OR8G1: variants seen among roughly 807,000 people sequenced by gnomAD.
OR8G1 encodes the protein olfactory receptor 8G1.
For synonymous variants in OR8G1, 129 were observed against 133.3 expected, an observed-to-expected ratio of 0.97 and a Z score of 0.22; for missense variants, 372 against 356.2, an observed-to-expected ratio of 1.04 and a Z score of -0.36.
intron 2 of OR8G1, 57 bp downstream of exon 2, chr11:124,247,937 A>G (rs982237541): frequency 1.3e-5 from 2 of 151,920 alleles, no homozygotes; most frequent in Non-Finnish European, 2.9e-5. Flanking sequence ...AATTTATACT[A>G]AATTGCCAAC....
At chr11:124,245,121 G>A (rs1311759427) in intron 1 of OR8G1, among the ~76,000 whole-genome samples, 1 of 150,826 alleles carries the variant, frequency 6.6e-6, no homozygotes, top group Non-Finnish European at 1.5e-5. Context: ...CCATTAACTC[G>A]TCATTTAGCA....
At position 124,250,416 on chromosome 11, in the gene OR8G1, G is replaced by T; in HGVS notation, c.741G>T (p.Ala247=). 1 of 1,613,716 alleles carries T rather than the reference G, an allele frequency of 6.2e-7. No individual in the cohort carries two copies. Among genetic ancestry groups the T allele is most frequent in the Non-Finnish European group, 8.5e-7 (1 of 1,179,774 alleles). ...AFSTCSSHML[A]VVIFFGSAAF... ...GCACTTGTAGCTCCCACATGTTGGCGGTTGTAATCTTTTTTGGATCTGCAG... is the reference window on the plus strand; with the variant it reads ...GCACTTGTAGCTCCCACATGTTGGCTGTTGTAATCTTTTTTGGATCTGCAG... The change falls in exon 3 of 3, where the codon GCG becomes GCT. Residue 247 remains alanine, a synonymous_variant. Transcript: ENST00000641972.
intron 2 of OR8G1, among the ~76,000 whole-genome samples, chr11:124,248,700 T>A (rs899056150): frequency 2.0e-5 from 3 of 152,060 alleles, no homozygotes; most frequent in African/African-American, 7.2e-5. Context: ...TGTATGCCTG[T>A]TTTTTGTACT....
intron 1 of OR8G1, among the ~76,000 whole-genome samples, chr11:124,242,998 CT>C (rs1296927623): frequency 2.0e-5 from 3 of 151,902 alleles, no homozygotes; most frequent in African/African-American, 7.3e-5. Flanking sequence ...CCATGTATAA[CT>C]CACAAAAAGA....
At chr11:124,242,081 A>ATT (rs371967403) in intron 1 of OR8G1, among the ~76,000 whole-genome samples, 69,748 of 151,114 alleles carry the variant, frequency 0.46, 16,406 homozygotes, top group South Asian at 0.56. Flanking sequence ...TAAATTATTT[A>ATT]TATATTTTTA....
In OR8G1 at chr11:124,244,065, G is replaced by GTA. The variant is rs1303398433; in HGVS notation, c.-97+2701_-97+2702insTA. On this transcript the variant is annotated intron_variant, in intron 1 of 2. Coordinates refer to ENST00000641972, the MANE Select transcript of OR8G1 (RefSeq NM_001002905.2). Reference sequence around the variant, plus strand: ...GATGGAGAGAGAACGAGGAAAGGATGGAGAGGGAGAGAGAGATGGAGAGAG... The same window carrying GTA: ...GATGGAGAGAGAACGAGGAAAGGATGTAGAGAGGGAGAGAGAGATGGAGAGAG... Among the ~76,000 whole-genome samples, 2 of 104,772 alleles carry GTA rather than the reference G, an allele frequency of 1.9e-5. 1 individual carries two copies. The highest frequency in any genetic ancestry group is 4.3e-5 in the Non-Finnish European group (2 of 46,686). The allele number at this position is 104,772 out of a possible 152,430, so 68.7% of individuals were successfully genotyped here. A position where few individuals can be genotyped will look rare whatever the true frequency, so the allele number is the denominator to read the frequency against.
At chr11:124,245,164 C>G (rs1229939227) in intron 1 of OR8G1, among the ~76,000 whole-genome samples, 1 of 130,284 alleles carries the variant, frequency 7.7e-6, no homozygotes, top group Non-Finnish European at 1.6e-5. Context: ...TCCCTCCCCC[C>G]TCCCCCCACC....
At chr11:124,246,606 A>G (rs1446953440) in intron 1 of OR8G1, among the ~76,000 whole-genome samples, 2 of 151,802 alleles carry the variant, frequency 1.3e-5, no homozygotes, top group East Asian at 1.9e-4. Flanking sequence ...AGCTATTGGA[A>G]TAGTAAACAA....
rs747885377 is a variant in OR8G1 at position 124,252,468 on chromosome 11, T to C, written c.*1857T>C. The C allele has an allele frequency of 6.6e-6, 1 of 152,194 alleles. No homozygotes were observed. Among genetic ancestry groups the C allele is most frequent in the Non-Finnish European group, 1.5e-5 (1 of 68,034 alleles). The allele number at this position is 152,194 out of a possible 1,614,324, so 9.4% of individuals were successfully genotyped here. On this transcript the variant is annotated 3_prime_UTR_variant, in exon 3 of 3. Coordinates refer to ENST00000641972, the MANE Select transcript of OR8G1 (RefSeq NM_001002905.2). ...CAATCTGCATTACTTTTCCATATCA[T>C]CCTTATGTTCTCTTTCAGAAAAACT...
chr11:124,244,749 T>C lies in OR8G1; in HGVS notation c.-96-3052T>C, dbSNP rs1861795936. Among the ~76,000 whole-genome samples, 3 of 151,966 alleles carry C rather than the reference T, an allele frequency of 2.0e-5. No homozygotes were observed. The South Asian group carries it at 6.2e-4, about 31-fold the overall frequency. On this transcript the variant is annotated intron_variant, in intron 1 of 2. Transcript: ENST00000641972. ...GTTTCTGGAGTACAATATAACATAT[T>C]GAGATCCAGTATCTTAATTCTACTC...
intron 1 of OR8G1, among the ~76,000 whole-genome samples, chr11:124,242,911 A>C (rs1408763774): frequency 1.3e-5 from 2 of 151,980 alleles, no homozygotes; most frequent in Admixed American, 1.3e-4. Flanking sequence ...TTAGGACTGA[A>C]GTTACAGTAA....
At chr11:124,245,142 C>A (rs1861799470) in intron 1 of OR8G1, among the ~76,000 whole-genome samples, 1 of 150,538 alleles carries the variant, frequency 6.6e-6, no homozygotes, top group Non-Finnish European at 1.5e-5. Context: ...TTAGGTATAT[C>A]TCCTAATGCT....
In OR8G1 at chr11:124,251,207, T is replaced by C. The variant is rs1231541297; in HGVS notation, c.*596T>C. The C allele has an allele frequency of 1.9e-5, 2 of 106,118 alleles. 1 individual carries two copies. Among genetic ancestry groups the C allele is most frequent in the Non-Finnish European group, 3.8e-5 (2 of 52,884 alleles). The allele number at this position is 106,118 out of a possible 1,614,324, so 6.6% of individuals were successfully genotyped here. A position where few individuals can be genotyped will look rare whatever the true frequency, so the allele number is the denominator to read the frequency against. ...TTCTAGTTTGTACTTGCCTTCAACC[T>C]ACACTGGACTTCAGTCTTCATGAAG... On this transcript the variant is annotated 3_prime_UTR_variant, in exon 3 of 3. Coordinates refer to ENST00000641972, the MANE Select transcript of OR8G1 (RefSeq NM_001002905.2).
chr11:124,250,788 C>A lies in OR8G1; in HGVS notation c.*177C>A. 1 of 326,718 alleles carries A rather than the reference C, an allele frequency of 3.1e-6. No homozygotes were observed. Among genetic ancestry groups the A allele is most frequent in the Non-Finnish European group, 5.1e-6 (1 of 195,960 alleles). 20.2% of individuals were successfully genotyped at this position (326,718 alleles called of 1,614,324 possible). ...TGTCATTTCCCATGTGGGGTTTTAA[C>A]TCATATGTATCAATGAGACACAAAT... On this transcript the variant is annotated 3_prime_UTR_variant, in exon 3 of 3. Coordinates refer to ENST00000641972, the MANE Select transcript of OR8G1 (RefSeq NM_001002905.2).
Position 124,249,755 on chromosome 11 carries a change from T to G in OR8G1, c.80T>G (p.Leu27Arg), listed in dbSNP as rs1283559062. The G allele has an allele frequency of 6.2e-7, 1 of 1,613,802 alleles. No individual in the cohort carries two copies. Among genetic ancestry groups the G allele is most frequent in the South Asian group, 1.1e-5 (1 of 91,066 alleles). ...LSEQPELQLP[L>R]FLLFLGIYVV... ...GAACAGCCAGAGCTCCAGCTGCCCC[T>G]CTTCCTCCTGTTCTTAGGAATCTAT... The change falls in exon 3 of 3, where the codon CTC becomes CGC. Residue 27 changes from leucine (L) to arginine (R), a missense_variant. Transcript: ENST00000641972.
In OR8G1 at chr11:124,253,336, G is replaced by C. The variant is rs1288728186; in HGVS notation, c.*2725G>C. On this transcript the variant is annotated 3_prime_UTR_variant, in exon 3 of 3. Transcript: ENST00000641972. Reference sequence around the variant, plus strand: ...CTTGGGAGGCTGAGGCAGGAGTATTGCTTGGGTCCAGGAAGTTGGGGCTGC... The same window carrying C: ...CTTGGGAGGCTGAGGCAGGAGTATTCCTTGGGTCCAGGAAGTTGGGGCTGC... The C allele has an allele frequency of 1.3e-5, 2 of 152,124 alleles. No homozygotes were observed. Among genetic ancestry groups the C allele is most frequent in the African/African-American group, 4.8e-5 (2 of 41,398 alleles). 9.4% of individuals were successfully genotyped at this position (152,124 alleles called of 1,614,324 possible).
In OR8G1 at chr11:124,252,432, T is replaced by A. The variant is rs1861874265; in HGVS notation, c.*1821T>A. On this transcript the variant is annotated 3_prime_UTR_variant, in exon 3 of 3. Transcript: ENST00000641972. ...TAAAGTTATTTCCTCAGAAAACTCA[T>A]CTCTGAAACTCAATCTGCATTACTT... 1 of 152,194 alleles carries A rather than the reference T, an allele frequency of 6.6e-6. No homozygotes were observed. Among genetic ancestry groups the A allele is most frequent in the Non-Finnish European group, 1.5e-5 (1 of 68,032 alleles). The allele number at this position is 152,194 out of a possible 1,614,324, so 9.4% of individuals were successfully genotyped here. A position where few individuals can be genotyped will look rare whatever the true frequency, so the allele number is the denominator to read the frequency against.
intron 1 of OR8G1, among the ~76,000 whole-genome samples, chr11:124,244,968 A>G (rs1450785018): frequency 6.6e-6 from 1 of 151,510 alleles, no homozygotes; most frequent in East Asian, 1.9e-4. Flanking sequence ...GAGTCATTAA[A>G]TTATGAATAG....
Sources: gnomAD v4.1 joint callset for allele counts (sites outside exome capture counted in the v4.1 genomes callset) on GRCh38, gnomAD v4.1.1 for gene constraint, MANE v1.5 for transcripts, NCBI Gene and HGNC (gene_info 2026-07-23, HGNC 2026-07-21) for gene names.